Variants in DENND4A observed in about 807,000 individuals in gnomAD.
DENND4A encodes C-myc promoter-binding protein.
Under a neutral mutation model 199.3 loss-of-function variants are expected in DENND4A, and 70 were observed. That is an observed-to-expected ratio of 0.35 (90% CI 0.29 to 0.43). The LOEUF is 0.43. DENND4A is among the 20% of genes least tolerant of loss of function. The pLI is 1.00. For missense variants in DENND4A, 1,723 were observed against 2,255.8 expected (o/e 0.76, Z 4.78); for synonymous variants, 686 against 766.9 (o/e 0.89, Z 1.74).
chr15:65,703,460 A>G (rs1352404556), intron 15 of DENND4A, among the ~76,000 whole-genome samples: 1 of 152,234 alleles, frequency 6.6e-6, no homozygotes, highest in South Asian at 2.1e-4. Flanking sequence ...AAAGATGCAA[A>G]TAACAACCTT....
Position 65,729,106 on chromosome 15 carries a change from T to G in DENND4A, c.1453A>C (p.Ser485Arg). Residue 485 changes from serine to arginine, a missense_variant, in exon 11 of 33, where the codon AGT (serine) becomes CGT (arginine). Ser to Arg is a moderately radical substitution (Grantham distance 110). Transcript: ENST00000443035. ...FDLYDPPPDVSCVDVDTNTIS... is the reference protein window; with the variant it reads ...FDLYDPPPDVRCVDVDTNTIS... ...GTGTTGGTATCTACATCAACACAACTGACATCTGGTGGAGGATCATAGAGA... is the reference window on the plus strand; with the variant it reads ...GTGTTGGTATCTACATCAACACAACGGACATCTGGTGGAGGATCATAGAGA... 6.3e-7 allele frequency: 1 copy of G among 1,592,508 alleles called. No individual in the cohort carries two copies. The highest frequency in any genetic ancestry group is 8.6e-7 in the Non-Finnish European group (1 of 1,168,172).
intron 15 of DENND4A, among the ~76,000 whole-genome samples, chr15:65,705,165 T>C (rs2075007746): frequency 6.6e-6 from 1 of 152,104 alleles, no homozygotes; most frequent in African/African-American, 2.4e-5. Context: ...AATCAAGTGG[T>C]CTCTGATTAA....
chr15:65,668,228 A>C, intron 27 of DENND4A, 105 bp from the exon 28 acceptor site: 1 of 864,536 alleles, frequency 1.2e-6, no homozygotes, highest in South Asian at 1.9e-5. Flanking sequence ...TTTTTTTTTA[A>C]GACAGAGTCT....
chr15:65,673,599 C>T (rs1262782734), intron 24 of DENND4A, among the ~76,000 whole-genome samples: 3 of 146,028 alleles, frequency 2.1e-5, no homozygotes, highest in Admixed American at 1.4e-4. Flanking sequence ...AGACTAAAGA[C>T]TTGATTGCTT....
chr15:65,682,564 T>C (rs562966996), intron 23 of DENND4A, among the ~76,000 whole-genome samples: 1 of 152,238 alleles, frequency 6.6e-6, no homozygotes, highest in Non-Finnish European at 1.5e-5. Context: ...TTCTCCTTTT[T>C]GGCAATAACA....
At chr15:65,727,426 C>T (rs981120524) in intron 11 of DENND4A, among the ~76,000 whole-genome samples, 1 of 139,760 alleles carries the variant, frequency 7.2e-6, no homozygotes, top group Admixed American at 7.7e-5. Flanking sequence ...GCACTCCAGC[C>T]TGGGTGACAA....
chr15:65,727,867 A>G, intron 11 of DENND4A: 1 of 381,664 alleles, frequency 2.6e-6, no homozygotes, highest in Non-Finnish European at 5.0e-6. Flanking sequence ...TATAACTTAC[A>G]TATAAATTCA....
Position 65,725,394 on chromosome 15 carries a change from C to T in DENND4A, c.1488-2446G>A, listed in dbSNP as rs183261897. 1.4e-4 allele frequency among the ~76,000 whole-genome samples: 22 copies of T among 152,110 alleles called. No homozygotes were observed. The East Asian group carries it at 3.7e-3, about 25-fold the overall frequency. ...TCAGAAGGGTTAATAAGAACTACCT[C>T]GGCTGGGCGCGGTGGCTCACGCCTG... On this transcript the variant is annotated intron_variant, in intron 11 of 32. Coordinates refer to ENST00000443035, the MANE Select transcript of DENND4A (RefSeq NM_001320835.1).
At chr15:65,722,732 TA>T in intron 12 of DENND4A, 115 bp downstream of exon 12, 1 of 758,620 alleles carries the variant, frequency 1.3e-6, no homozygotes. Context: ...CATCTGCCTT[TA>T]AAATGGTAAA....
chr15:65,756,377 A>T lies in DENND4A; in HGVS notation c.74T>A (p.Leu25Gln). Reference sequence around the variant, plus strand: ...ATCATTGAAGTGAATTTCTTCTTCTAGAGGCTTTGAAACATCAGTTAATCC... The same window carrying T: ...ATCATTGAAGTGAATTTCTTCTTCTTGAGGCTTTGAAACATCAGTTAATCC... ...VAGLTDVSKPLEEEIHFNDAC... is the reference protein window; with the variant it reads ...VAGLTDVSKPQEEEIHFNDAC... Residue 25 changes from leucine (L) to glutamine (Q), a missense_variant, in exon 3 of 33, where the codon CTA becomes CAA. Leu to Gln is a moderately radical substitution (Grantham distance 113). Transcript: ENST00000443035. The T allele has an allele frequency of 6.2e-7, 1 of 1,613,994 alleles. No homozygotes were observed. The highest frequency in any genetic ancestry group is 8.5e-7 in the Non-Finnish European group (1 of 1,179,868).
At chr15:65,700,395 T>C in intron 20 of DENND4A, 149 bp downstream of exon 20, 1 of 324,602 alleles carries the variant, frequency 3.1e-6, no homozygotes, top group South Asian at 1.4e-4. Context: ...ATATAGTTAT[T>C]AAATCTAATA....
rs1246565534 is a variant in DENND4A, at chr15:65,772,643, GT to G, written c.-101-11206del. Reference sequence around the variant, plus strand: ...AATCGCTTGAACCTGGGAGGCGGAGGTTGCAGTGGGCCGAGATCGAGCCACT... The same window carrying G: ...AATCGCTTGAACCTGGGAGGCGGAGGTGCAGTGGGCCGAGATCGAGCCACT... On this transcript the variant is annotated intron_variant, in intron 1 of 32. Coordinates refer to ENST00000443035, the MANE Select transcript of DENND4A (RefSeq NM_001320835.1). Among the ~76,000 whole-genome samples, 48 of 137,874 alleles carry G rather than the reference GT, an allele frequency of 3.5e-4. No individual in the cohort carries two copies. In the South Asian group the frequency reaches 0.011, roughly 32 times the overall value. The allele number at this position is 137,874 out of a possible 152,430, so 90.5% of individuals were successfully genotyped here. A position where few individuals can be genotyped will look rare whatever the true frequency, so the allele number is the denominator to read the frequency against.
Position 65,771,336 on chromosome 15 carries a change from T to C in DENND4A, c.-101-9898A>G, listed in dbSNP as rs187672450. On this transcript the variant is annotated intron_variant, in intron 1 of 32. Transcript: ENST00000443035. ...TTCCAGCAGTTATTTCGAATATTAG[T>C]CACATAATCTTCCTCCACACTCTTT... 1,546 of 1,587,844 alleles carry C rather than the reference T, an allele frequency of 9.7e-4. 13 individuals are homozygous for C. In the African/African-American group the frequency reaches 0.019, roughly 19 times the overall value.
At chr15:65,749,637 A>T (rs982950079) in intron 4 of DENND4A, among the ~76,000 whole-genome samples, 1 of 151,694 alleles carries the variant, frequency 6.6e-6, no homozygotes, top group African/African-American at 2.4e-5. Context: ...AGTATATTTA[A>T]TATTTAATAA....
intron 23 of DENND4A, among the ~76,000 whole-genome samples, chr15:65,685,600 A>G (rs2076749151): frequency 1.3e-5 from 2 of 152,244 alleles, no homozygotes; most frequent in Admixed American, 1.3e-4. Flanking sequence ...TCTCTAGGTT[A>G]CTTATAATAC....
chr15:65,674,384 G>A (rs535529718), intron 24 of DENND4A, among the ~76,000 whole-genome samples: 1 of 152,220 alleles, frequency 6.6e-6, no homozygotes, highest in Non-Finnish European at 1.5e-5. Flanking sequence ...ATGGGCACGA[G>A]AGAGGGTTCT....
At chr15:65,741,861 T>C in intron 4 of DENND4A, 77 bp from the exon 5 acceptor site, 2 of 1,188,308 alleles carry the variant, frequency 1.7e-6, no homozygotes, top group South Asian at 2.6e-5. Context: ...CTTTGAGCTC[T>C]CTAGTATGTA....
chr15:65,772,368 C>T (rs1406076254), intron 1 of DENND4A, among the ~76,000 whole-genome samples: 1 of 151,988 alleles, frequency 6.6e-6, no homozygotes, highest in Non-Finnish European at 1.5e-5. Flanking sequence ...CTGTATGTAT[C>T]TTATAAAAAA....
rs974281191 is a variant in DENND4A, at chr15:65,792,158, G to C, written c.-250C>G. On this transcript the variant is annotated 5_prime_UTR_variant, in exon 1 of 33. Transcript: ENST00000443035. ...CCCAGCCCGGCGCTCCGCCCTTCGC[G>C]GCACCCCCGCCCGCCCGCCCAGGCC... The C allele has an allele frequency of 2.0e-5, 3 of 152,892 alleles. No individual in the cohort carries two copies. The East Asian group carries it at 5.9e-4, about 30-fold the overall frequency. The allele number at this position is 152,892 out of a possible 1,614,324, so 9.5% of individuals were successfully genotyped here.
Sources: allele counts gnomAD v4.1 joint callset (sites outside exome capture counted in the v4.1 genomes callset), GRCh38; gene constraint gnomAD v4.1.1; transcripts MANE v1.5; gene names NCBI Gene and HGNC (gene_info 2026-07-23, HGNC 2026-07-21).